LHFPL3: variants seen among roughly 807,000 people sequenced by gnomAD.
LHFPL3 encodes the protein LHFPL tetraspan subfamily member 3 protein.
A neutral mutation model predicts 19.3 loss-of-function variants in LHFPL3; 5 were observed. The observed-to-expected ratio is 0.26, with a 90% CI of 0.14 to 0.54. LHFPL3 has a LOEUF of 0.54. Among genes scored for constraint, LHFPL3 ranks in the 20% least tolerant of loss-of-function variants. The pLI, the probability that LHFPL3 is intolerant of heterozygous loss-of-function variation, is 0.94. For missense variants in LHFPL3, 249 were observed against 307.4 expected (o/e 0.81, Z 1.42); for synonymous variants, 133 against 126.2 (o/e 1.05, Z -0.36).
intron 1 of LHFPL3, among the ~76,000 whole-genome samples, chr7:104,585,008 A>G (rs1790537379): frequency 6.6e-6 from 1 of 152,168 alleles, no homozygotes; most frequent in Non-Finnish European, 1.5e-5. Context: ...AAGGATGGCT[A>G]TTCTATTACA....
At chr7:104,869,143 C>A (rs1477493933) in intron 2 of LHFPL3, among the ~76,000 whole-genome samples, 2 of 151,918 alleles carry the variant, frequency 1.3e-5, no homozygotes, top group Non-Finnish European at 2.9e-5. Flanking sequence ...ACCCTAGAAG[C>A]AAACCTAGGC....
intron 2 of LHFPL3, among the ~76,000 whole-genome samples, chr7:104,811,311 C>T (rs1279193249): frequency 6.6e-6 from 1 of 152,160 alleles, no homozygotes; most frequent in Non-Finnish European, 1.5e-5. Flanking sequence ...CCTCCCACCT[C>T]AGCCTCCCTA....
intron 1 of LHFPL3, among the ~76,000 whole-genome samples, chr7:104,494,270 G>T (rs1435471530): frequency 6.6e-6 from 1 of 152,120 alleles, no homozygotes; most frequent in African/African-American, 2.4e-5. Flanking sequence ...AAATCTATTA[G>T]TTCAACATTT....
chr7:104,566,574 CAG>C (rs1350326085), intron 1 of LHFPL3, among the ~76,000 whole-genome samples: 3 of 152,088 alleles, frequency 2.0e-5, no homozygotes, highest in Non-Finnish European at 1.5e-5. Flanking sequence ...GTTATTAAAA[CAG>C]AGATGTTAGA....
At chr7:104,565,791 A>G (rs977285265) in intron 1 of LHFPL3, among the ~76,000 whole-genome samples, 1 of 150,202 alleles carries the variant, frequency 6.7e-6, no homozygotes, top group Admixed American at 6.6e-5. Context: ...TATCTGTCTA[A>G]TCTATCTATC....
intron 2 of LHFPL3, among the ~76,000 whole-genome samples, chr7:104,774,860 T>A (rs559049762): frequency 1.1e-4 from 16 of 152,078 alleles, no homozygotes; most frequent in Non-Finnish European, 2.1e-4. Context: ...AACATATGAG[T>A]TTTAGCATCT....
chr7:104,648,766 T>C (rs1443060411), intron 1 of LHFPL3, among the ~76,000 whole-genome samples: 3 of 152,206 alleles, frequency 2.0e-5, no homozygotes, highest in African/African-American at 7.2e-5. Context: ...GCTAGTCCTA[T>C]CTGGAAAACA....
chr7:104,801,353 G>A (rs977165680), intron 2 of LHFPL3, among the ~76,000 whole-genome samples: 6 of 152,086 alleles, frequency 3.9e-5, no homozygotes, highest in Non-Finnish European at 5.9e-5. Context: ...TTCCCATCAC[G>A]GTGATGACAG....
At chr7:104,678,065 A>C (rs994028135) in intron 1 of LHFPL3, among the ~76,000 whole-genome samples, 1 of 152,222 alleles carries the variant, frequency 6.6e-6, no homozygotes. Flanking sequence ...TAGGATCCTC[A>C]GCATTTTCCT....
chr7:104,754,992 T>A (rs1373615801), intron 2 of LHFPL3, among the ~76,000 whole-genome samples: 1 of 152,128 alleles, frequency 6.6e-6, no homozygotes, highest in Non-Finnish European at 1.5e-5. Context: ...GGGGTCTGCA[T>A]GAGGAGGAAG....
chr7:104,865,283 A>C (rs553555470), intron 2 of LHFPL3, among the ~76,000 whole-genome samples: 3 of 152,200 alleles, frequency 2.0e-5, no homozygotes, highest in Non-Finnish European at 2.9e-5. Context: ...CTCCGAGCTA[A>C]AGGAGGAAGT....
At chr7:104,720,237 C>G (rs1386684899) in intron 1 of LHFPL3, among the ~76,000 whole-genome samples, 2 of 152,192 alleles carry the variant, frequency 1.3e-5, no homozygotes, top group African/African-American at 4.8e-5. Flanking sequence ...AATAACACCA[C>G]ACATCTACAA....
intron 2 of LHFPL3, among the ~76,000 whole-genome samples, chr7:104,849,189 C>T (rs903540262): frequency 4.6e-5 from 7 of 152,174 alleles, no homozygotes; most frequent in Non-Finnish European, 5.9e-5. Flanking sequence ...CTTCGGCCTC[C>T]GGAAGTTCTG....
intron 2 of LHFPL3, among the ~76,000 whole-genome samples, chr7:104,771,668 C>T (rs1413640760): frequency 1.3e-5 from 2 of 152,026 alleles, no homozygotes; most frequent in Non-Finnish European, 2.9e-5. Flanking sequence ...CTAATAAATA[C>T]TGCTCACGCC....
At chr7:104,462,630 T>C (rs879171647) in intron 1 of LHFPL3, among the ~76,000 whole-genome samples, 1 of 152,228 alleles carries the variant, frequency 6.6e-6, no homozygotes, top group Non-Finnish European at 1.5e-5. Context: ...TGCTGCTGGA[T>C]TCAGTTTGCA....
chr7:104,407,631 G>A (rs1029207517), intron 1 of LHFPL3, among the ~76,000 whole-genome samples: 36 of 152,324 alleles, frequency 2.4e-4, no homozygotes, highest in African/African-American at 8.7e-4. Context: ...ACTCCAGCCT[G>A]GGCGACAAGA....
At position 104,430,386 on chromosome 7, in the gene LHFPL3, A is replaced by G. The variant is rs868104362; in HGVS notation, c.445+101162A>G. ...TTTCTGTGGGTATATATATATACAT[A>G]TATATATATATATATATACATATAT... On this transcript the variant is annotated intron_variant, in intron 1 of 2. Transcript: ENST00000424859. Among the ~76,000 whole-genome samples the G allele has an allele frequency of 7.3e-3, 306 of 41,930 alleles. 7 individuals are homozygous for G. Among genetic ancestry groups the G allele is most frequent in the Non-Finnish European group, 9.3e-3 (239 of 25,682 alleles). The allele number at this position is 41,930 out of a possible 152,430, so 27.5% of individuals were successfully genotyped here. A position where few individuals can be genotyped will look rare whatever the true frequency, so the allele number is the denominator to read the frequency against.
chr7:104,881,893 C>A (rs1279372402), intron 2 of LHFPL3, among the ~76,000 whole-genome samples: 1 of 152,100 alleles, frequency 6.6e-6, no homozygotes, highest in African/African-American at 2.4e-5. Flanking sequence ...AGGCAGGACA[C>A]CTCCATGTTT....
At chr7:104,861,973 G>C (rs1396071391) in intron 2 of LHFPL3, among the ~76,000 whole-genome samples, 1 of 152,120 alleles carries the variant, frequency 6.6e-6, no homozygotes, top group Non-Finnish European at 1.5e-5. Context: ...TGGGCTGCCT[G>C]TTTATTATAA....
Sources: allele counts gnomAD v4.1 joint callset (sites outside exome capture counted in the v4.1 genomes callset), GRCh38; gene constraint gnomAD v4.1.1; transcripts MANE v1.5; gene names NCBI Gene and HGNC (gene_info 2026-07-23, HGNC 2026-07-21).